The following SLC12A7 variants were observed in gnomAD, a reference collection of about 807,000 sequenced individuals.
SLC12A7 encodes solute carrier family 12 member 7, also known as K-Cl cotransporter 4.
In SLC12A7, 100 loss-of-function variants were observed where a neutral mutation model predicts 120.6. The observed-to-expected ratio is 0.83, with a 90% CI of 0.71 to 0.98. The LOEUF (loss-of-function observed/expected upper bound fraction) is 0.98, where lower values mean the gene tolerates loss of function less well. SLC12A7 is among the 50% of genes least tolerant of loss of function. SLC12A7 has a pLI of 0.00. For synonymous variants in SLC12A7, 760 were observed against 678.0 expected, an observed-to-expected ratio of 1.12 and a Z score of -1.88; for missense variants, 1,373 against 1,548.1, an observed-to-expected ratio of 0.89 and a Z score of 1.90.
At chr5:1,133,666 G>A in the SLC12A7 span, among the ~76,000 whole-genome samples, 68 of 152,322 alleles carry the variant, frequency 4.5e-4, 1 homozygote, top group African/African-American at 1.5e-3. Flanking sequence ...CACTGTCAGA[G>A]ACGGGAGGCT....
Position 1,054,513 on chromosome 5 carries a change from G to A in SLC12A7, c.3027-1031C>T, listed in dbSNP as rs145002977. Among the ~76,000 whole-genome samples the A allele has an allele frequency of 2.7e-4, 41 of 152,116 alleles. No individual in the cohort carries two copies. The South Asian group carries it at 3.7e-3, about 14-fold the overall frequency. On this transcript the variant is annotated intron_variant, in intron 22 of 23. Coordinates refer to ENST00000264930, the MANE Select transcript of SLC12A7 (RefSeq NM_006598.3). ...GAGGCCACCTGGGGAAACGCTGGGC[G>A]GAGGGGAGCACTTGCGTTTCTGTGT...
chr5:1,091,929 G>A (rs1487921671), intron 3 of SLC12A7, among the ~76,000 whole-genome samples: 1 of 152,122 alleles, frequency 6.6e-6, no homozygotes, highest in Non-Finnish European at 1.5e-5. Context: ...AGACAGGGGG[G>A]GCGGCCACAA....
intron 1 of SLC12A7, among the ~76,000 whole-genome samples, chr5:1,097,339 T>A (rs1048628855): frequency 1.3e-5 from 2 of 152,094 alleles, no homozygotes; most frequent in African/African-American, 4.8e-5. Flanking sequence ...CCGCAGCGTC[T>A]CCTCTGCGCA....
At chr5:1,055,910 G>A (rs1484808119) in intron 22 of SLC12A7, among the ~76,000 whole-genome samples, 1 of 152,218 alleles carries the variant, frequency 6.6e-6, no homozygotes, top group East Asian at 1.9e-4. Flanking sequence ...AGATAAAAAG[G>A]GAAGGGAAGT....
chr5:1,102,458 C>G (rs1742111964), intron 1 of SLC12A7, among the ~76,000 whole-genome samples: 1 of 152,242 alleles, frequency 6.6e-6, no homozygotes, highest in East Asian at 1.9e-4. Flanking sequence ...TACAGCCATT[C>G]TCCGCAAAGG....
At chr5:1,087,708 C>T (rs977127639) in intron 5 of SLC12A7, among the ~76,000 whole-genome samples, 4 of 152,256 alleles carry the variant, frequency 2.6e-5, no homozygotes, top group Admixed American at 6.5e-5. Flanking sequence ...GCTGAGCAAG[C>T]CCAGCCGTTA....
rs1734955384 is a variant in SLC12A7, at chr5:1,050,761, G to A, written c.*1599C>T. 2 of 397,992 alleles carry A rather than the reference G, an allele frequency of 5.0e-6. No individual in the cohort carries two copies. Among genetic ancestry groups the A allele is most frequent in the Non-Finnish European group, 8.9e-6 (2 of 225,922 alleles). 24.7% of individuals were successfully genotyped at this position (397,992 alleles called of 1,614,324 possible). On this transcript the variant is annotated 3_prime_UTR_variant, in exon 24 of 24. Transcript: ENST00000264930. Reference sequence around the variant, plus strand: ...GCTGCTTAACTCATGCTTAGCCAAGGCAGGCAGAGGCTGTGGGAACTGCTG... The same window carrying A: ...GCTGCTTAACTCATGCTTAGCCAAGACAGGCAGAGGCTGTGGGAACTGCTG...
At chr5:1,084,637 G>A (rs1175712988) in intron 7 of SLC12A7, among the ~76,000 whole-genome samples, 1 of 152,202 alleles carries the variant, frequency 6.6e-6, no homozygotes, top group Admixed American at 6.5e-5. Flanking sequence ...CGGGCTTGTG[G>A]GGTTGCAGCT....
intron 2 of SLC12A7, 114 bp from the exon 3 acceptor site, chr5:1,093,769 G>A: frequency 4.1e-6 from 6 of 1,476,278 alleles, no homozygotes; most frequent in Non-Finnish European, 5.5e-6. Context: ...TCAGCCCCTG[G>A]GTCTGAAGCA....
In SLC12A7 at chr5:1,089,087, G is replaced by C. The variant is rs201537919; in HGVS notation, c.384C>G (p.Cys128Trp). Residue 128 changes from cysteine (C) to tryptophan (W), a missense_variant, in exon 4 of 24, where the codon TGC becomes TGG. Cys to Trp is a radical substitution (Grantham distance 215). Transcript: ENST00000264930. ...MGTFIGVYLP[C>W]LQNILGVILF... is the part of the protein sequence containing the mutation. ...GGATGACGCCCAGGATGTTCTGCAG[G>C]CACGGCAGGTAGACGCCGATGAAGG... is the stretch of plus-strand genomic sequence containing the variant. The C allele has an allele frequency of 1.2e-6, 2 of 1,612,916 alleles. No individual in the cohort carries two copies. Among genetic ancestry groups the C allele is most frequent in the East Asian group, 4.5e-5 (2 of 44,880 alleles).
At chr5:1,121,586 C>T in the SLC12A7 span, among the ~76,000 whole-genome samples, 1 of 152,198 alleles carries the variant, frequency 6.6e-6, no homozygotes, top group Admixed American at 6.5e-5. Flanking sequence ...CTTTGTGGGA[C>T]CCAGAGAGGC....
At chr5:1,126,058 A>G in the SLC12A7 span, among the ~76,000 whole-genome samples, 3 of 152,144 alleles carry the variant, frequency 2.0e-5, no homozygotes, top group Non-Finnish European at 4.4e-5. Context: ...TTTACACAAT[A>G]TTAACCCATG....
the SLC12A7 span, among the ~76,000 whole-genome samples, chr5:1,145,577 G>A: frequency 6.6e-6 from 1 of 152,184 alleles, no homozygotes; most frequent in Non-Finnish European, 1.5e-5. The surrounding 1 kb of genome is among the most constrained non-coding windows in gnomAD (Gnocchi z 4.4). Flanking sequence ...CACAAAGGAT[G>A]TTATTTGAAA....
At chr5:1,153,757 C>T in the SLC12A7 span, among the ~76,000 whole-genome samples, 5 of 152,220 alleles carry the variant, frequency 3.3e-5, no homozygotes, top group African/African-American at 1.2e-4. Context: ...CCTTTGTTGG[C>T]CTCCACAGAG....
chr5:1,141,623 G>T, the SLC12A7 span, among the ~76,000 whole-genome samples: 3 of 152,206 alleles, frequency 2.0e-5, no homozygotes, highest in Non-Finnish European at 4.4e-5. Context: ...AAGCTTGTGT[G>T]GTCACTGAAG....
the SLC12A7 span, among the ~76,000 whole-genome samples, chr5:1,144,248 G>T: frequency 6.6e-6 from 1 of 152,202 alleles, no homozygotes; most frequent in Non-Finnish European, 1.5e-5. Context: ...GGAGAGGATG[G>T]TGTCTGGGGC....
intron 11 of SLC12A7, chr5:1,078,393 C>T: frequency 1.8e-6 from 1 of 550,646 alleles, no homozygotes; most frequent in Non-Finnish European, 3.2e-6. Flanking sequence ...CTCCACTTGC[C>T]AGCAGGGCTG....
the SLC12A7 span, among the ~76,000 whole-genome samples, chr5:1,143,693 C>G: frequency 2.0e-5 from 3 of 152,202 alleles, no homozygotes; most frequent in African/African-American, 7.2e-5. Context: ...CTTCTTCACC[C>G]AGAGCGCTGC....
chr5:1,123,641 C>T, the SLC12A7 span, among the ~76,000 whole-genome samples: 3 of 152,224 alleles, frequency 2.0e-5, no homozygotes, highest in Non-Finnish European at 4.4e-5. Flanking sequence ...GCTGAGGGGC[C>T]GGGGGCCGCG....
Sources: allele counts gnomAD v4.1 joint callset (sites outside exome capture counted in the v4.1 genomes callset), GRCh38; gene constraint gnomAD v4.1.1; non-coding constraint Gnocchi (gnomAD v3.1); transcripts MANE v1.5; gene names NCBI Gene and HGNC (gene_info 2026-07-23, HGNC 2026-07-21).